Variants in FAM81B observed in about 807,000 individuals in gnomAD.
FAM81B encodes the protein protein FAM81B.
A neutral mutation model predicts 58.7 loss-of-function variants in FAM81B; 60 were observed. The ratio of observed to expected loss-of-function variants is 1.02; its 90% confidence interval spans 0.83 to 1.27. The LOEUF (loss-of-function observed/expected upper bound fraction) is 1.27, where lower values mean the gene tolerates loss of function less well. FAM81B is among the 50% of genes most tolerant of loss of function. The pLI, the probability that FAM81B is intolerant of heterozygous loss-of-function variation, is 0.00. For synonymous variants in FAM81B, 189 were observed against 179.6 expected, an observed-to-expected ratio of 1.05 and a Z score of -0.42; for missense variants, 491 against 522.0, an observed-to-expected ratio of 0.94 and a Z score of 0.58.
chr5:95,425,424 G>C (rs963285908), intron 5 of FAM81B, among the ~76,000 whole-genome samples: 1 of 152,104 alleles, frequency 6.6e-6, no homozygotes, highest in African/African-American at 2.4e-5. Flanking sequence ...ACCAATGCTA[G>C]AAAAGAATGG....
chr5:95,437,368 C>A (rs1470453663), intron 7 of FAM81B, among the ~76,000 whole-genome samples: 1 of 152,032 alleles, frequency 6.6e-6, no homozygotes, highest in African/African-American at 2.4e-5. Flanking sequence ...TATTTTGAGA[C>A]GGAGTCTCGC....
intron 8 of FAM81B, among the ~76,000 whole-genome samples, chr5:95,447,000 C>A (rs1745599365): frequency 6.6e-6 from 1 of 151,408 alleles, no homozygotes; most frequent in African/African-American, 2.4e-5. Context: ...GTCTGACTCT[C>A]TTGGGGCCTC....
intron 7 of FAM81B, among the ~76,000 whole-genome samples, chr5:95,439,645 G>T (rs1745253078): frequency 6.6e-6 from 1 of 150,810 alleles, no homozygotes. Flanking sequence ...TTTCAATCTG[G>T]TATATTGGAT....
chr5:95,429,511 G>T (rs953161876), intron 6 of FAM81B, among the ~76,000 whole-genome samples: 2 of 152,132 alleles, frequency 1.3e-5, no homozygotes, highest in Non-Finnish European at 2.9e-5. Flanking sequence ...ATTATTTGTT[G>T]GTAGGCGCCA....
At chr5:95,425,863 G>T (rs1762809988) in intron 5 of FAM81B, among the ~76,000 whole-genome samples, 1 of 151,658 alleles carries the variant, frequency 6.6e-6, no homozygotes, top group African/African-American at 2.4e-5. Flanking sequence ...TATTGAGATG[G>T]TAGCTGTGAC....
rs773716606 is a variant in FAM81B at position 95,392,896 on chromosome 5, A to G, written c.227A>G (p.Lys76Arg). 9 of 1,602,856 alleles carry G rather than the reference A, an allele frequency of 5.6e-6. No homozygotes were observed. In the South Asian group the frequency reaches 7.8e-5, roughly 14 times the overall value. ...GGCTCAGACAATAACCAAGAAAAGA[A>G]AGCAAGTACTTTTCAATATTCACAT... ...LPGSDNNQEK[K>R]VRLSPAKMST... Residue 76 changes from lysine (K) to arginine (R), a missense_variant and splice_region_variant, in exon 2 of 10, where the codon AAA becomes AGA. Physicochemically the swap from Lys to Arg is conservative, Grantham distance 26. Transcript: ENST00000283357.
chr5:95,412,967 A>T (rs1168635497), intron 3 of FAM81B, among the ~76,000 whole-genome samples: 1 of 152,218 alleles, frequency 6.6e-6, no homozygotes, highest in African/African-American at 2.4e-5. Context: ...CAAACTAAGA[A>T]TATTTCATCA....
At chr5:95,444,742 A>T (rs1745491848) in intron 7 of FAM81B, among the ~76,000 whole-genome samples, 1 of 152,202 alleles carries the variant, frequency 6.6e-6, no homozygotes, top group Non-Finnish European at 1.5e-5. Context: ...CAGAGGACAA[A>T]GATCAGAATT....
intron 3 of FAM81B, among the ~76,000 whole-genome samples, chr5:95,398,648 A>G (rs1762026784): frequency 6.6e-6 from 1 of 152,200 alleles, no homozygotes; most frequent in Admixed American, 6.5e-5. Context: ...ATAACAACTC[A>G]AAAAGTAAAA....
At chr5:95,401,066 C>G (rs145933747) in intron 3 of FAM81B, among the ~76,000 whole-genome samples, 139 of 152,240 alleles carry the variant, frequency 9.1e-4, no homozygotes, top group African/African-American at 3.2e-3. Context: ...CAGACATCCA[C>G]CCTGCCCTCA....
chr5:95,450,033 T>A (rs1046767909), intron 9 of FAM81B, 116 bp from the exon 10 acceptor site: 4 of 1,201,828 alleles, frequency 3.3e-6, no homozygotes, highest in Non-Finnish European at 4.6e-6. Context: ...TCATAGAATT[T>A]AATGCGCTTG....
At chr5:95,400,425 TACATACATAC>T (rs1381369777) in intron 3 of FAM81B, among the ~76,000 whole-genome samples, 11 of 95,568 alleles carry the variant, frequency 1.2e-4, no homozygotes, top group Admixed American at 5.5e-4. Context: ...CATACATACA[TACATACATAC>T]ACACACACAC....
intron 3 of FAM81B, among the ~76,000 whole-genome samples, chr5:95,409,407 C>T (rs1477304880): frequency 1.3e-5 from 2 of 152,004 alleles, no homozygotes; most frequent in African/African-American, 4.8e-5. Context: ...GATCTGCCCA[C>T]CTCAGCCTCC....
intron 4 of FAM81B, among the ~76,000 whole-genome samples, chr5:95,419,527 A>T (rs1280783780): frequency 6.6e-6 from 1 of 152,082 alleles, no homozygotes; most frequent in African/African-American, 2.4e-5. Flanking sequence ...ATTTTTTTAA[A>T]TTTTTTAAAT....
intron 4 of FAM81B, 121 bp from the exon 5 acceptor site, chr5:95,420,163 C>A: frequency 8.5e-7 from 1 of 1,178,006 alleles, no homozygotes; most frequent in Non-Finnish European, 1.2e-6. Flanking sequence ...AGGACTCTCT[C>A]ACTCATGCAC....
chr5:95,438,268 G>A (rs1745183067), intron 7 of FAM81B, among the ~76,000 whole-genome samples: 1 of 152,134 alleles, frequency 6.6e-6, no homozygotes, highest in Non-Finnish European at 1.5e-5. Context: ...TCAGTGAGTA[G>A]CTAATCTAAT....
chr5:95,407,420 ACG>A (rs1370505142), intron 3 of FAM81B, among the ~76,000 whole-genome samples: 14 of 142,878 alleles, frequency 9.8e-5, no homozygotes, highest in African/African-American at 3.2e-4. Context: ...GCACACACAC[ACG>A]CGTGCGCGCA....
At chr5:95,427,618 T>C (rs1256678495) in intron 5 of FAM81B, among the ~76,000 whole-genome samples, 1 of 152,198 alleles carries the variant, frequency 6.6e-6, no homozygotes, top group Non-Finnish European at 1.5e-5. Context: ...AAGCAAACAA[T>C]ATTTATATCA....
chr5:95,439,526 T>C (rs148693697), intron 7 of FAM81B, among the ~76,000 whole-genome samples: 2,808 of 151,954 alleles, frequency 0.018, 55 homozygotes, highest in Admixed American at 0.057. Context: ...TTTAGGATTC[T>C]TTCACATTAG....
Sources: gnomAD v4.1 joint callset for allele counts (sites outside exome capture counted in the v4.1 genomes callset) on GRCh38, gnomAD v4.1.1 for gene constraint, MANE v1.5 for transcripts, NCBI Gene and HGNC (gene_info 2026-07-23, HGNC 2026-07-21) for gene names.